Variants in CUX2 observed in about 807,000 individuals in gnomAD.
CUX2 encodes the protein homeobox protein cut-like 2.
A neutral mutation model predicts 144.8 loss-of-function variants in CUX2; 40 were observed. The ratio of observed to expected loss-of-function variants is 0.28; its 90% confidence interval spans 0.21 to 0.36. CUX2 has a LOEUF of 0.36. Ranked by LOEUF, CUX2 falls within the 10% of genes least tolerant of loss-of-function variation. The probability of loss-of-function intolerance (pLI) is 1.00; values close to 1 mark genes in which losing one functional copy is unlikely to be tolerated. For synonymous variants in CUX2, 827 were observed against 875.6 expected (o/e 0.94, Z 0.98); for missense variants, 1,615 against 1,994.0 (o/e 0.81, Z 3.62).
At chr12:111,128,094 C>T (rs1305036485) in intron 1 of CUX2, among the ~76,000 whole-genome samples, 2 of 152,166 alleles carry the variant, frequency 1.3e-5, no homozygotes, top group East Asian at 1.9e-4. Flanking sequence ...TCACAGGCTT[C>T]GTCCTCAAAT....
intron 4 of CUX2, among the ~76,000 whole-genome samples, chr12:111,273,662 G>T (rs1768801093): frequency 6.6e-6 from 1 of 152,178 alleles, no homozygotes; most frequent in South Asian, 2.1e-4. Flanking sequence ...TCATTCTGGG[G>T]AGACAGTCAC....
intron 3 of CUX2, among the ~76,000 whole-genome samples, chr12:111,238,659 A>G (rs1329524295): frequency 6.6e-6 from 1 of 152,188 alleles, no homozygotes; most frequent in Non-Finnish European, 1.5e-5. Flanking sequence ...CTCTGGGGAT[A>G]CAGCAGTGAA....
At chr12:111,152,400 C>CT (rs1051796714) in intron 1 of CUX2, among the ~76,000 whole-genome samples, 45 of 152,322 alleles carry the variant, frequency 3.0e-4, no homozygotes, top group African/African-American at 1.1e-3. Flanking sequence ...GGGACCTCAG[C>CT]TCTCAGGGCA....
At chr12:111,332,094 A>G (rs1410645224) in intron 18 of CUX2, among the ~76,000 whole-genome samples, 1 of 151,708 alleles carries the variant, frequency 6.6e-6, no homozygotes, top group Non-Finnish European at 1.5e-5. Context: ...AAAAAAAAAG[A>G]AAAATGAAAA....
intron 1 of CUX2, among the ~76,000 whole-genome samples, chr12:111,081,210 T>A (rs987318563): frequency 1.6e-4 from 25 of 152,196 alleles, no homozygotes; most frequent in African/African-American, 6.0e-4. Flanking sequence ...AGTGTCCAGC[T>A]GAGGTTTACA....
chr12:111,054,697 G>A (rs929968484), intron 1 of CUX2, among the ~76,000 whole-genome samples: 1 of 152,050 alleles, frequency 6.6e-6, no homozygotes, highest in African/African-American at 2.4e-5. Context: ...TGTGATCTTG[G>A]CTCACGGCAG....
Position 111,255,191 on chromosome 12 carries a change from G to A in CUX2, c.223-8570G>A, listed in dbSNP as rs112159553. ...GGCTCCTGAAACAGGCTAGGATGGG[G>A]CCTCTCTGGGACCCCTGGGTGACCC... On this transcript the variant is annotated intron_variant, in intron 3 of 21. Transcript: ENST00000261726. This position sits in a 1 kb window ranked among gnomAD's most constrained non-coding sequence, Gnocchi z 4.1. Among the ~76,000 whole-genome samples the A allele has an allele frequency of 0.047, 7,171 of 152,206 alleles. 577 individuals carry two copies. The highest frequency in any genetic ancestry group is 0.16 in the African/African-American group (6,757 of 41,494).
chr12:111,101,133 C>T (rs777244253), intron 1 of CUX2, among the ~76,000 whole-genome samples: 6 of 152,148 alleles, frequency 3.9e-5, no homozygotes, highest in Admixed American at 6.5e-5. Flanking sequence ...TTTTGTGACA[C>T]GAATGCGCTT....
At chr12:111,101,824 C>G (rs1873262521) in intron 1 of CUX2, among the ~76,000 whole-genome samples, 1 of 152,118 alleles carries the variant, frequency 6.6e-6, no homozygotes, top group Admixed American at 6.5e-5. Flanking sequence ...TTCGGTGTGT[C>G]CTAGCTATGT....
chr12:111,219,060 A>G (rs111398468), intron 3 of CUX2, among the ~76,000 whole-genome samples: 2 of 152,126 alleles, frequency 1.3e-5, no homozygotes, highest in African/African-American at 4.8e-5. Flanking sequence ...GATTGGCCGT[A>G]CTCGGATCTC....
Position 111,307,180 on chromosome 12 carries a change from T to A in CUX2, c.1051-19T>A. The stretch of plus-strand genomic sequence containing the variant: ...AGAAGCACACAGACCAGCCTCACCA[T>A]CTTTCTTTGCTCTTCTAGAAGCTGG... On this transcript the variant is annotated intron_variant, in intron 11 of 21. Transcript: ENST00000261726. This position sits in a 1 kb window ranked among gnomAD's most constrained non-coding sequence, Gnocchi z 4.1. 6.2e-7 allele frequency: 1 copy of A among 1,614,052 alleles called. No individual in the cohort carries two copies. The highest frequency in any genetic ancestry group is 8.5e-7 in the Non-Finnish European group (1 of 1,179,992).
chr12:111,042,211 C>T (rs1432097617), intron 1 of CUX2, among the ~76,000 whole-genome samples: 2 of 152,194 alleles, frequency 1.3e-5, no homozygotes, highest in Admixed American at 1.3e-4. Flanking sequence ...AAATGGCTCC[C>T]GGGGAACCAT....
intron 3 of CUX2, among the ~76,000 whole-genome samples, chr12:111,235,425 T>C (rs1195017939): frequency 6.6e-6 from 1 of 152,048 alleles, no homozygotes; most frequent in Non-Finnish European, 1.5e-5. Flanking sequence ...TTGGAGCACT[T>C]AAGAATGAGA....
At chr12:111,167,898 T>C (rs1277072264) in intron 1 of CUX2, among the ~76,000 whole-genome samples, 1 of 152,124 alleles carries the variant, frequency 6.6e-6, no homozygotes, top group East Asian at 1.9e-4. Context: ...GTCACCATGT[T>C]GGCCAGGCTG....
chr12:111,135,296 A>G (rs1312573472), intron 1 of CUX2, among the ~76,000 whole-genome samples: 1 of 152,158 alleles, frequency 6.6e-6, no homozygotes, highest in Non-Finnish European at 1.5e-5. Flanking sequence ...TGAGACAGTG[A>G]CATTTGCACC....
chr12:111,266,399 A>G (rs528057130), intron 4 of CUX2, among the ~76,000 whole-genome samples: 2 of 149,714 alleles, frequency 1.3e-5, no homozygotes, highest in South Asian at 4.3e-4. Flanking sequence ...TGAACCCAGG[A>G]GGCGGAGGTT....
chr12:111,250,261 G>C (rs1592882095), intron 3 of CUX2, among the ~76,000 whole-genome samples: 1 of 152,058 alleles, frequency 6.6e-6, no homozygotes, highest in African/African-American at 2.4e-5. Flanking sequence ...CAGGTGTGGG[G>C]GTGGGGGTGT....
chr12:111,175,445 G>C (rs897663617), intron 1 of CUX2, among the ~76,000 whole-genome samples: 1 of 148,902 alleles, frequency 6.7e-6, no homozygotes, highest in Non-Finnish European at 1.5e-5. Context: ...GAAACCAGCC[G>C]ACATTTAAAT....
rs987886363 is a variant in CUX2 at position 111,289,825 on chromosome 12, T to C, written c.302-1593T>C. Among the ~76,000 whole-genome samples the C allele has an allele frequency of 6.7e-6, 1 of 149,538 alleles. No homozygotes were observed. The highest frequency in any genetic ancestry group is 1.5e-5 in the Non-Finnish European group (1 of 67,708). On this transcript the variant is annotated intron_variant, in intron 4 of 21. Transcript: ENST00000261726. This position sits in a 1 kb window ranked among gnomAD's most constrained non-coding sequence, Gnocchi z 4.1. ...ACCAAGGATTACATGGGAGAGGATATTGGTGCAAAATAGGAATGCAGGGAG... is the reference window on the plus strand; with the variant it reads ...ACCAAGGATTACATGGGAGAGGATACTGGTGCAAAATAGGAATGCAGGGAG...
Sources: allele counts gnomAD v4.1 joint callset (sites outside exome capture counted in the v4.1 genomes callset), GRCh38; gene constraint gnomAD v4.1.1; non-coding constraint Gnocchi (gnomAD v3.1); transcripts MANE v1.5; gene names NCBI Gene and HGNC (gene_info 2026-07-23, HGNC 2026-07-21).